The following CACNB2 variants were observed in gnomAD, a reference collection of about 807,000 sequenced individuals.
The protein encoded by CACNB2 is voltage-dependent L-type calcium channel subunit beta-2.
CACNB2 carries 42 observed loss-of-function variants against 73.3 expected under a neutral mutation model. The observed-to-expected ratio is 0.57, with a 90% CI of 0.45 to 0.74. The LOEUF (loss-of-function observed/expected upper bound fraction) is 0.74, where lower values mean the gene tolerates loss of function less well. CACNB2 is among the 30% of genes least tolerant of loss of function. The probability of loss-of-function intolerance (pLI) is 0.00; values close to 1 mark genes in which losing one functional copy is unlikely to be tolerated. For missense variants in CACNB2, 940 were observed against 853.0 expected (o/e 1.10, Z -1.27); for synonymous variants, 348 against 310.3 (o/e 1.12, Z -1.28).
intron 2 of CACNB2, among the ~76,000 whole-genome samples, chr10:18,168,901 C>T (rs1356710315): frequency 6.6e-6 from 1 of 152,124 alleles, no homozygotes; most frequent in Non-Finnish European, 1.5e-5. Context: ...GCTTGTGTTT[C>T]CCTGCAAAGA....
intron 2 of CACNB2, among the ~76,000 whole-genome samples, chr10:18,224,600 G>A (rs925456700): frequency 4.6e-5 from 7 of 152,094 alleles, no homozygotes; most frequent in South Asian, 4.1e-4. Flanking sequence ...TAAGAAGCTC[G>A]TTCTGATAGA....
At chr10:18,398,320 A>G (rs1473024493) in intron 2 of CACNB2, among the ~76,000 whole-genome samples, 2 of 152,122 alleles carry the variant, frequency 1.3e-5, no homozygotes, top group Admixed American at 6.6e-5. Flanking sequence ...CTTTCAGGGG[A>G]TCGTTATTTG....
chr10:18,280,102 A>T (rs962618101), intron 2 of CACNB2, among the ~76,000 whole-genome samples: 1 of 152,172 alleles, frequency 6.6e-6, no homozygotes, highest in African/African-American at 2.4e-5. Context: ...AATACAAATT[A>T]TCCACCCAAG....
In CACNB2 at chr10:18,315,510, A is replaced by AC. The variant is rs1204226992; in HGVS notation, c.214-86414_214-86413insC. Among the ~76,000 whole-genome samples the AC allele has an allele frequency of 4.1e-4, 50 of 120,882 alleles. 2 individuals are homozygous for AC. Among genetic ancestry groups the AC allele is most frequent in the Non-Finnish European group, 7.8e-4 (44 of 56,182 alleles). 79.3% of individuals were successfully genotyped at this position (120,882 alleles called of 152,430 possible). ...ACCTTGTCTCTATTTAAAAAAAAAA[A>AC]AAAAAAAAAAAAAAAAAACTTTTTT... On this transcript the variant is annotated intron_variant, in intron 2 of 13. Transcript: ENST00000324631.
At chr10:18,327,434 A>G (rs767693524) in intron 2 of CACNB2, among the ~76,000 whole-genome samples, 5 of 151,564 alleles carry the variant, frequency 3.3e-5, no homozygotes, top group Non-Finnish European at 7.4e-5. Context: ...GTTTGTTTTT[A>G]TTTGTTTTGA....
chr10:18,282,577 G>C (rs11013320), intron 2 of CACNB2, among the ~76,000 whole-genome samples: 63,305 of 152,112 alleles, frequency 0.42, 15,407 homozygotes, highest in East Asian at 0.85. Flanking sequence ...TATTAACTCA[G>C]TGTGATAAAA....
intron 2 of CACNB2, among the ~76,000 whole-genome samples, chr10:18,228,433 CAAAA>C (rs1164745930): frequency 8.6e-5 from 3 of 34,808 alleles, no homozygotes; most frequent in East Asian, 8.2e-4. Context: ...AACTCTACCT[CAAAA>C]AAAAAAAAAA....
chr10:18,430,905 A>G (rs937961014), intron 3 of CACNB2, among the ~76,000 whole-genome samples: 2 of 152,210 alleles, frequency 1.3e-5, no homozygotes, highest in African/African-American at 4.8e-5. Context: ...AATCTCTATC[A>G]TTTATATTTG....
chr10:18,515,120 C>T (rs151089161), intron 7 of CACNB2: 4 of 1,175,830 alleles, frequency 3.4e-6, no homozygotes, highest in African/African-American at 3.0e-5. Context: ...TACCATCTCA[C>T]CCTTTGGACA....
At chr10:18,474,397 G>C (rs2048335234) in intron 3 of CACNB2, among the ~76,000 whole-genome samples, 2 of 152,114 alleles carry the variant, frequency 1.3e-5, no homozygotes, top group Non-Finnish European at 2.9e-5. Context: ...CGACGTTAAG[G>C]ACATGCCTAG....
intron 3 of CACNB2, among the ~76,000 whole-genome samples, chr10:18,410,230 T>G (rs2044543402): frequency 6.6e-6 from 1 of 152,240 alleles, no homozygotes; most frequent in Non-Finnish European, 1.5e-5. Flanking sequence ...TTCTATATTC[T>G]ATGTTTCCAC....
chr10:18,167,615 A>G (rs960677220), intron 2 of CACNB2, among the ~76,000 whole-genome samples: 5 of 152,066 alleles, frequency 3.3e-5, no homozygotes. Context: ...TCTTTATTTT[A>G]TTCGAGGCCC....
chr10:18,217,493 AAAGG>A (rs1300916725), intron 2 of CACNB2, among the ~76,000 whole-genome samples: 5 of 152,054 alleles, frequency 3.3e-5, no homozygotes, highest in Admixed American at 1.3e-4. Context: ...CAAAATAAAG[AAAGG>A]AAAATAAAAT....
chr10:18,192,210 C>T (rs986407068), intron 2 of CACNB2, among the ~76,000 whole-genome samples: 1 of 152,078 alleles, frequency 6.6e-6, no homozygotes, highest in Non-Finnish European at 1.5e-5. Flanking sequence ...ATTTCATCAC[C>T]TGAACCTTCA....
At chr10:18,381,480 G>A (rs796438492) in intron 2 of CACNB2, among the ~76,000 whole-genome samples, 1 of 151,972 alleles carries the variant, frequency 6.6e-6, no homozygotes, top group Non-Finnish European at 1.5e-5. Flanking sequence ...CCGGAGGTCA[G>A]GAGTCAAGAC....
chr10:18,445,976 G>A (rs944309311), intron 3 of CACNB2, among the ~76,000 whole-genome samples: 8 of 152,196 alleles, frequency 5.3e-5, no homozygotes, highest in African/African-American at 1.9e-4. Flanking sequence ...GGAGGTTTCA[G>A]TGAGCCAAGA....
At chr10:18,368,792 T>A (rs2042457803) in intron 2 of CACNB2, among the ~76,000 whole-genome samples, 2 of 149,494 alleles carry the variant, frequency 1.3e-5, no homozygotes, top group African/African-American at 4.8e-5. Flanking sequence ...ATGAATAATT[T>A]GTGTCTTTTT....
chr10:18,177,048 A>G (rs886113859), intron 2 of CACNB2, among the ~76,000 whole-genome samples: 7 of 152,134 alleles, frequency 4.6e-5, no homozygotes, highest in African/African-American at 1.7e-4. Flanking sequence ...TTCACTGTGT[A>G]GCCTCAACCC....
At chr10:18,415,337 A>G (rs545061823) in intron 3 of CACNB2, among the ~76,000 whole-genome samples, 1 of 152,114 alleles carries the variant, frequency 6.6e-6, no homozygotes, top group Non-Finnish European at 1.5e-5. Flanking sequence ...ATGGTGGTAC[A>G]TGCCTGCAGT....
Sources: gnomAD v4.1 joint callset for allele counts (sites outside exome capture counted in the v4.1 genomes callset) on GRCh38, gnomAD v4.1.1 for gene constraint, MANE v1.5 for transcripts, NCBI Gene and HGNC (gene_info 2026-07-23, HGNC 2026-07-21) for gene names.